Variants in JARID2 observed in about 807,000 individuals in gnomAD.
The protein encoded by JARID2 is jumonji and AT-rich interaction domain containing 2.
JARID2 carries 21 observed loss-of-function variants against 125.6 expected under a neutral mutation model. The observed-to-expected ratio is 0.17, with a 90% confidence interval of 0.12 to 0.24. The LOEUF is 0.24. JARID2 is among the 10% of genes least tolerant of loss of function. JARID2 has a pLI of 1.00. For synonymous variants in JARID2, 736 were observed against 661.6 expected (o/e 1.11, Z -1.73); for missense variants, 1,303 against 1,639.6 (o/e 0.79, Z 3.55).
intron 5 of JARID2, among the ~76,000 whole-genome samples, chr6:15,478,894 A>T (rs1769479021): frequency 2.0e-5 from 3 of 151,904 alleles, no homozygotes; most frequent in Non-Finnish European, 4.4e-5. Flanking sequence ...TGCTCTCCCG[A>T]GCTCAGGTGA....
In JARID2 at chr6:15,460,106, G is replaced by A. The variant is rs9383057; in HGVS notation, c.493+7931G>A. The stretch of plus-strand genomic sequence containing the variant: ...TCAGTGGCCTTAACGTTCTGCATAT[G>A]CTTGGTTTTCTCCTAGAGTCAGTTA... On this transcript the variant is annotated intron_variant, in intron 4 of 17. Transcript: ENST00000341776. Among the ~76,000 whole-genome samples, 14 of 152,262 alleles carry A rather than the reference G, an allele frequency of 9.2e-5. No individual in the cohort carries two copies. In the East Asian group the frequency reaches 2.3e-3, roughly 25 times the overall value.
At chr6:15,466,175 A>G (rs1297220616) in intron 4 of JARID2, among the ~76,000 whole-genome samples, 1 of 152,152 alleles carries the variant, frequency 6.6e-6, no homozygotes, top group Non-Finnish European at 1.5e-5. Context: ...AACAGAGGGG[A>G]GAGAGGAAGG....
intron 1 of JARID2, among the ~76,000 whole-genome samples, chr6:15,301,947 G>T (rs1761639507): frequency 6.6e-6 from 1 of 152,152 alleles, no homozygotes; most frequent in Admixed American, 6.5e-5. Context: ...TGTGTTTTTG[G>T]TCATTGGTAA....
rs1395699550 is a variant in JARID2, at chr6:15,501,246, A to T, written c.2285A>T (p.His762Leu). ...PRFEPKNGLI[H>L]GVAPRNGFRS... ...TTCGAGCCCAAGAATGGGCTCATCC[A>T]CGGCGTGGCCCCCAGGAACGGCTTC... Residue 762 changes from histidine to leucine, a missense_variant, in exon 8 of 18, where the codon CAC (histidine) becomes CTC (leucine). This residue lies in a region of JARID2 where 124 missense variants were observed against 131.0 expected (regional missense o/e 0.95). Transcript: ENST00000341776. 6.2e-7 allele frequency: 1 copy of T among 1,613,504 alleles called. No individual in the cohort carries two copies. Among genetic ancestry groups the T allele is most frequent in the Non-Finnish European group, 8.5e-7 (1 of 1,179,646 alleles).
intron 1 of JARID2, among the ~76,000 whole-genome samples, chr6:15,284,192 C>G (rs1015896505): frequency 8.5e-5 from 13 of 152,176 alleles, no homozygotes; most frequent in African/African-American, 3.1e-4. Context: ...AAACACCACC[C>G]TCCAGCTTGC....
intron 1 of JARID2, among the ~76,000 whole-genome samples, chr6:15,331,380 C>T (rs1762704091): frequency 6.6e-6 from 1 of 150,656 alleles, no homozygotes; most frequent in East Asian, 2.0e-4. Context: ...AACCTGTAGG[C>T]CAGGAGTGGT....
chr6:15,364,357 G>A (rs761718484), intron 1 of JARID2, among the ~76,000 whole-genome samples: 2 of 152,168 alleles, frequency 1.3e-5, no homozygotes, highest in Non-Finnish European at 2.9e-5. Flanking sequence ...GGATAGGACT[G>A]GTTTTTGTCT....
chr6:15,486,418 C>T (rs1257854854), intron 5 of JARID2, among the ~76,000 whole-genome samples: 8 of 152,184 alleles, frequency 5.3e-5, no homozygotes, highest in Non-Finnish European at 1.0e-4. Flanking sequence ...CTTGTAGCCA[C>T]CTGGGGTTTG....
chr6:15,460,680 T>TTTGTTGTTG (rs150851411), intron 4 of JARID2, among the ~76,000 whole-genome samples: 1 of 150,982 alleles, frequency 6.6e-6, no homozygotes, highest in Admixed American at 6.6e-5. Flanking sequence ...GAATGCTCAT[T>TTTGTTGTTG]TTGTTGTTGT....
chr6:15,357,364 C>G (rs1189472670), intron 1 of JARID2, among the ~76,000 whole-genome samples: 2 of 152,176 alleles, frequency 1.3e-5, no homozygotes, highest in African/African-American at 4.8e-5. Flanking sequence ...GGCAAATGTG[C>G]CCTTATTTTT....
chr6:15,487,009 T>A (rs1456818354), intron 5 of JARID2, among the ~76,000 whole-genome samples: 2 of 151,958 alleles, frequency 1.3e-5, no homozygotes, highest in African/African-American at 2.4e-5. Context: ...CTTACAATCA[T>A]TGTGGAAGTC....
intron 4 of JARID2, among the ~76,000 whole-genome samples, chr6:15,466,029 C>T (rs1228193358): frequency 6.6e-6 from 1 of 152,126 alleles, no homozygotes; most frequent in African/African-American, 2.4e-5. Context: ...GTCTCGAACT[C>T]CTGACCTCAG....
chr6:15,369,691 G>A (rs868111096), intron 1 of JARID2, among the ~76,000 whole-genome samples: 20 of 152,234 alleles, frequency 1.3e-4, no homozygotes, highest in African/African-American at 3.6e-4. Context: ...GATCTAGAGG[G>A]TCGGGCAGGA....
At chr6:15,427,510 T>C (rs1766780682) in intron 3 of JARID2, among the ~76,000 whole-genome samples, 2 of 152,156 alleles carry the variant, frequency 1.3e-5, no homozygotes, top group African/African-American at 4.8e-5. Flanking sequence ...TGGTCTAGTA[T>C]GCTTTGTGGT....
intron 1 of JARID2, among the ~76,000 whole-genome samples, chr6:15,307,494 C>G (rs1022476752): frequency 6.6e-6 from 1 of 152,126 alleles, no homozygotes; most frequent in African/African-American, 2.4e-5. Flanking sequence ...TCTGGGATTA[C>G]AGGCGTGATC....
rs1377000429 is a variant in JARID2 at position 15,513,230 on chromosome 6, G to A, written c.3267-9G>A. On this transcript the variant is annotated splice_polypyrimidine_tract_variant and intron_variant, in intron 15 of 17. Coordinates refer to ENST00000341776, the MANE Select transcript of JARID2 (RefSeq NM_004973.4). Reference sequence around the variant, plus strand: ...ACTAAAGGTGCGGGCCGTCTCCCGTGTCTGGCAGGGATACAGAGCTGCGGC... The same window carrying A: ...ACTAAAGGTGCGGGCCGTCTCCCGTATCTGGCAGGGATACAGAGCTGCGGC... The A allele has an allele frequency of 6.4e-7, 1 of 1,558,908 alleles. No individual in the cohort carries two copies. The highest frequency in any genetic ancestry group is 1.2e-5 in the South Asian group (1 of 86,104).
intron 6 of JARID2, among the ~76,000 whole-genome samples, chr6:15,491,499 C>T (rs1466164547): frequency 1.3e-5 from 2 of 152,236 alleles, no homozygotes; most frequent in Admixed American, 6.5e-5. Flanking sequence ...CCCCCAGCCA[C>T]CAACTGTTTC....
chr6:15,490,731 T>C (rs1770111320), intron 6 of JARID2, among the ~76,000 whole-genome samples: 1 of 152,252 alleles, frequency 6.6e-6, no homozygotes, highest in East Asian at 1.9e-4. Context: ...GTACTTCTGC[T>C]TACATGCAGT....
At chr6:15,414,508 T>C (rs567305285) in intron 3 of JARID2, among the ~76,000 whole-genome samples, 4 of 146,960 alleles carry the variant, frequency 2.7e-5, no homozygotes, top group Admixed American at 6.9e-5. Context: ...AGTTTTTCTT[T>C]ATGGAGGCAA....
Sources: allele counts gnomAD v4.1 joint callset (sites outside exome capture counted in the v4.1 genomes callset), GRCh38; gene constraint gnomAD v4.1.1; regional missense constraint gnomAD v4.1.1; transcripts MANE v1.5; gene names NCBI Gene and HGNC (gene_info 2026-07-23, HGNC 2026-07-21).